The following MPZL1 variants were observed in gnomAD, a reference collection of about 807,000 sequenced individuals.
MPZL1 encodes myelin protein zero like 1, also known as myelin protein zero-like protein 1.
MPZL1 carries 16 observed loss-of-function variants against 29.3 expected under a neutral mutation model. The ratio of observed to expected loss-of-function variants is 0.55; its 90% CI spans 0.37 to 0.83. MPZL1 has a LOEUF of 0.83. Among genes scored for constraint, MPZL1 ranks in the 40% least tolerant of loss-of-function variants. The pLI, the probability that MPZL1 is intolerant of heterozygous loss-of-function variation, is 0.00. For missense variants in MPZL1, 279 were observed against 332.9 expected (o/e 0.84, Z 1.26); for synonymous variants, 143 against 132.0 (o/e 1.08, Z -0.57).
rs904447776 is a variant in MPZL1 at position 167,766,718 on chromosome 1, T to A, written c.258+969T>A. Among the ~76,000 whole-genome samples the A allele has an allele frequency of 2.0e-5, 3 of 152,178 alleles. No homozygotes were observed. The East Asian group carries it at 5.8e-4, about 29-fold the overall frequency. On this transcript the variant is annotated intron_variant, in intron 2 of 5. Transcript: ENST00000359523. ...CCCATCATATGCCTATGCCATTTAA[T>A]CTTCACAGCTCTATGAGGAAGACAG...
chr1:167,758,997 T>G (rs1254449077), intron 1 of MPZL1, among the ~76,000 whole-genome samples: 3 of 152,234 alleles, frequency 2.0e-5, no homozygotes, highest in Non-Finnish European at 4.4e-5. Context: ...GTATATCATT[T>G]AATCTATTTT....
intron 1 of MPZL1, among the ~76,000 whole-genome samples, chr1:167,739,827 C>G (rs7518652): frequency 6.6e-6 from 1 of 152,074 alleles, no homozygotes; most frequent in Non-Finnish European, 1.5e-5. Context: ...TCAGAACCTC[C>G]TTACCAGAAA....
intron 1 of MPZL1, among the ~76,000 whole-genome samples, chr1:167,723,763 T>C (rs960472664): frequency 1.3e-5 from 2 of 152,252 alleles, no homozygotes; most frequent in Non-Finnish European, 2.9e-5. Context: ...TGAAGATGAA[T>C]GTTGATATGT....
chr1:167,767,878 T>C (rs1195569739), intron 2 of MPZL1, among the ~76,000 whole-genome samples: 1 of 151,252 alleles, frequency 6.6e-6, no homozygotes, highest in East Asian at 1.9e-4. Flanking sequence ...TGTTTTGTTT[T>C]GTTTTGTTTT....
At chr1:167,752,015 T>C (rs1176776511) in intron 1 of MPZL1, among the ~76,000 whole-genome samples, 1 of 152,198 alleles carries the variant, frequency 6.6e-6, no homozygotes, top group Admixed American at 6.5e-5. Context: ...TGCTTAAGAA[T>C]CCTCCGTGAT....
chr1:167,739,288 T>TATATATATATATAC (rs1660459478), intron 1 of MPZL1, among the ~76,000 whole-genome samples: 2 of 108,334 alleles, frequency 1.8e-5, no homozygotes, highest in African/African-American at 1.2e-4. Flanking sequence ...TATACATATA[T>TATATATATATATAC]ATATATATAT....
chr1:167,735,326 C>T (rs1038602639), intron 1 of MPZL1, among the ~76,000 whole-genome samples: 2 of 152,134 alleles, frequency 1.3e-5, no homozygotes, highest in African/African-American at 4.8e-5. Flanking sequence ...CATACCCATA[C>T]TTTTACTACT....
At chr1:167,731,751 CAAAA>C (rs959540690) in intron 1 of MPZL1, among the ~76,000 whole-genome samples, 54 of 135,058 alleles carry the variant, frequency 4.0e-4, no homozygotes, top group Non-Finnish European at 7.6e-4. Context: ...AACTGTGTCT[CAAAA>C]AAAAAAAAGG....
intron 2 of MPZL1, among the ~76,000 whole-genome samples, chr1:167,772,007 C>T (rs570886744): frequency 6.6e-6 from 1 of 152,022 alleles, no homozygotes; most frequent in East Asian, 1.9e-4. Flanking sequence ...CCTGCAATCC[C>T]AGGCAGTCGG....
chr1:167,754,692 T>C (rs987035020), intron 1 of MPZL1, among the ~76,000 whole-genome samples: 4 of 152,196 alleles, frequency 2.6e-5, no homozygotes, highest in Admixed American at 6.5e-5. Context: ...CATGGTCTTA[T>C]TGTATAATAG....
chr1:167,755,206 T>C lies in MPZL1; in HGVS notation c.92-10377T>C, dbSNP rs186566691. Among the ~76,000 whole-genome samples, 947 of 152,298 alleles carry C rather than the reference T, an allele frequency of 6.2e-3. 2 individuals are homozygous for C. The highest frequency in any genetic ancestry group is 9.6e-3 in the Non-Finnish European group (651 of 68,026). On this transcript the variant is annotated intron_variant, in intron 1 of 5. Transcript: ENST00000359523. ...AATTTTTAAAAATTTTTTGCTGTATTTTGGAGGAGAGGAATATATTCTTAT... is the reference window on the plus strand; with the variant it reads ...AATTTTTAAAAATTTTTTGCTGTATCTTGGAGGAGAGGAATATATTCTTAT...
At chr1:167,726,139 A>T (rs368258682) in intron 1 of MPZL1, among the ~76,000 whole-genome samples, 1 of 151,986 alleles carries the variant, frequency 6.6e-6, no homozygotes, top group African/African-American at 2.4e-5. Context: ...TTCTCACTAT[A>T]TTCAAGCCAC....
chr1:167,739,285 A>ATG (rs1204413214), intron 1 of MPZL1, among the ~76,000 whole-genome samples: 3 of 66,684 alleles, frequency 4.5e-5, no homozygotes, highest in African/African-American at 2.3e-4. Flanking sequence ...ATATATACAT[A>ATG]TATATATATA....
chr1:167,723,460 A>G (rs760821563), intron 1 of MPZL1, among the ~76,000 whole-genome samples: 51 of 152,254 alleles, frequency 3.3e-4, no homozygotes, highest in Admixed American at 9.2e-4. Flanking sequence ...TGTAAGACAC[A>G]ATCCATTCTG....
intron 1 of MPZL1, 27 bp from the exon 2 acceptor site, chr1:167,765,556 C>T (rs763283): frequency 0.17 from 264,368 of 1,570,472 alleles, 26,854 homozygotes; most frequent in Admixed American, 0.43. Flanking sequence ...GTCCTACTTT[C>T]AACTACCCTT....
chr1:167,753,034 G>A (rs1273066577), intron 1 of MPZL1, among the ~76,000 whole-genome samples: 1 of 152,212 alleles, frequency 6.6e-6, no homozygotes, highest in African/African-American at 2.4e-5. Flanking sequence ...GGGAGATTGT[G>A]CTTTTCACTG....
intron 1 of MPZL1, among the ~76,000 whole-genome samples, chr1:167,761,486 G>A (rs1322946057): frequency 1.3e-5 from 2 of 152,120 alleles, no homozygotes; most frequent in Non-Finnish European, 2.9e-5. Context: ...GATGCAGGGA[G>A]GTGGGTAGCT....
chr1:167,763,051 A>T (rs1661020948), intron 1 of MPZL1, among the ~76,000 whole-genome samples: 1 of 152,206 alleles, frequency 6.6e-6, no homozygotes, highest in Non-Finnish European at 1.5e-5. Context: ...GTATAATGAA[A>T]TCTGTGTCTT....
In MPZL1 at chr1:167,787,957, A is replaced by C; in HGVS notation, c.*36A>C. On this transcript the variant is annotated 3_prime_UTR_variant, in exon 6 of 6. Coordinates refer to ENST00000359523, the MANE Select transcript of MPZL1 (RefSeq NM_003953.6). ...AGAACATATCCTCAGCAAGAAACAAAACCAAACTGGACTCTCGTGCAGAAA... is the reference window on the plus strand; with the variant it reads ...AGAACATATCCTCAGCAAGAAACAACACCAAACTGGACTCTCGTGCAGAAA... 6.5e-7 allele frequency: 1 copy of C among 1,546,290 alleles called. No homozygotes were observed. Among genetic ancestry groups the C allele is most frequent in the Non-Finnish European group, 8.9e-7 (1 of 1,118,816 alleles).
Sources: allele counts gnomAD v4.1 joint callset (sites outside exome capture counted in the v4.1 genomes callset), GRCh38; gene constraint gnomAD v4.1.1; transcripts MANE v1.5; gene names NCBI Gene and HGNC (gene_info 2026-07-23, HGNC 2026-07-21).